TTC27: variants seen among roughly 807,000 people sequenced by gnomAD.
TTC27 encodes the protein tetratricopeptide repeat protein 27.
A neutral mutation model predicts 115.9 loss-of-function variants in TTC27; 79 were observed. The ratio of observed to expected loss-of-function variants is 0.68; its 90% CI spans 0.57 to 0.82. TTC27 has a LOEUF of 0.82. TTC27 is among the 40% of genes least tolerant of loss of function. TTC27 has a pLI of 0.00. For synonymous variants in TTC27, 401 were observed against 356.0 expected (o/e 1.13, Z -1.42); for missense variants, 1,054 against 993.1 (o/e 1.06, Z -0.82).
At chr2:32,735,532 G>C (rs901171952) in intron 11 of TTC27, among the ~76,000 whole-genome samples, 1 of 152,180 alleles carries the variant, frequency 6.6e-6, no homozygotes, top group Non-Finnish European at 1.5e-5. Flanking sequence ...CAGGCAGTTA[G>C]ATAAGGATCA....
Position 32,782,041 on chromosome 2 carries a change from A to G in TTC27, c.1780-585A>G, listed in dbSNP as rs536937283. Among the ~76,000 whole-genome samples, 6 of 152,366 alleles carry G rather than the reference A, an allele frequency of 3.9e-5. No homozygotes were observed. In the East Asian group the frequency reaches 9.6e-4, roughly 24 times the overall value. ...ATATTAGATGAAAAGTGGAACAAAGAGAAATAGATAATTTATATCATTCTT... is the reference window on the plus strand; with the variant it reads ...ATATTAGATGAAAAGTGGAACAAAGGGAAATAGATAATTTATATCATTCTT... On this transcript the variant is annotated intron_variant, in intron 14 of 19. Coordinates refer to ENST00000317907, the MANE Select transcript of TTC27 (RefSeq NM_017735.5).
chr2:32,693,095 C>A (rs2151895971), intron 9 of TTC27, among the ~76,000 whole-genome samples: 1 of 152,240 alleles, frequency 6.6e-6, no homozygotes, highest in Admixed American at 6.5e-5. Context: ...TCCAAATTAA[C>A]CTACATAATT....
chr2:32,812,545 G>A lies in TTC27; in HGVS notation c.2238G>A (p.Gln746=). 1 of 1,614,104 alleles carries A rather than the reference G, an allele frequency of 6.2e-7. No homozygotes were observed. The highest frequency in any genetic ancestry group is 8.5e-7 in the Non-Finnish European group (1 of 1,179,954). ...CAAAGGCATACAAGTGTGACACCCA[G>A]TCCAATTGTTGGGAGAAAGATATTA... is the stretch of plus-strand genomic sequence containing the variant. ...CLSKAYKCDT[Q]SNCWEKDITS... Residue 746 remains glutamine, a synonymous_variant, in exon 18 of 20, where the codon CAG becomes CAA. Coordinates refer to ENST00000317907, the MANE Select transcript of TTC27 (RefSeq NM_017735.5).
rs770157266 is a variant in TTC27, at chr2:32,787,078, G to C, written c.1927G>C (p.Gly643Arg). 4 of 1,614,074 alleles carry C rather than the reference G, an allele frequency of 2.5e-6. No individual in the cohort carries two copies. The South Asian group carries it at 4.4e-5, about 18-fold the overall frequency. Residue 643 changes from glycine to arginine, a missense_variant, in exon 16 of 20, where the codon GGG becomes CGG. Gly to Arg is a moderately radical substitution (Grantham distance 125). Transcript: ENST00000317907. ...ENYILTSTDV[G>R]EFSEAIKAYH... ...CTACATCCTCACCAGCACTGACGTT[G>C]GGGAATTTTCAGAAGCCATTAAAGC...
chr2:32,657,478 C>T (rs918418214), intron 5 of TTC27, among the ~76,000 whole-genome samples: 2 of 151,448 alleles, frequency 1.3e-5, no homozygotes, highest in Admixed American at 6.6e-5. Flanking sequence ...CTCAGCCTCC[C>T]GAGCAGCTAG....
chr2:32,729,698 T>G (rs1007681325), intron 10 of TTC27, among the ~76,000 whole-genome samples: 1 of 151,904 alleles, frequency 6.6e-6, no homozygotes, highest in African/African-American at 2.4e-5. Flanking sequence ...AGGGGCCTCC[T>G]CTCTCTCTGC....
intron 12 of TTC27, among the ~76,000 whole-genome samples, chr2:32,751,221 C>T (rs1668997593): frequency 6.7e-6 from 1 of 150,250 alleles, no homozygotes; most frequent in Admixed American, 6.7e-5. Flanking sequence ...TTCCAGGACC[C>T]ATTTTTGTTC....
At chr2:32,728,102 G>A (rs907181534) in intron 10 of TTC27, among the ~76,000 whole-genome samples, 6 of 146,212 alleles carry the variant, frequency 4.1e-5, no homozygotes, top group African/African-American at 7.6e-5. Context: ...GTGCAGTGGC[G>A]TGATCTCTGC....
chr2:32,648,253 G>A (rs755451147), intron 4 of TTC27, among the ~76,000 whole-genome samples: 1 of 151,856 alleles, frequency 6.6e-6, no homozygotes, highest in Non-Finnish European at 1.5e-5. Context: ...TCAACCTCCC[G>A]AGTAGCTGGG....
chr2:32,710,523 A>G (rs949494621), intron 10 of TTC27, among the ~76,000 whole-genome samples: 40 of 143,558 alleles, frequency 2.8e-4, no homozygotes, highest in African/African-American at 9.2e-4. Flanking sequence ...CTGCCCTCCC[A>G]GGTTCAACCA....
chr2:32,661,361 A>C (rs1284124972), intron 5 of TTC27, among the ~76,000 whole-genome samples: 1 of 152,122 alleles, frequency 6.6e-6, no homozygotes, highest in Non-Finnish European at 1.5e-5. Flanking sequence ...ACTTTGGGCA[A>C]TATGGCCATT....
At chr2:32,655,051 T>C (rs1559189688) in intron 5 of TTC27, among the ~76,000 whole-genome samples, 1 of 151,474 alleles carries the variant, frequency 6.6e-6, no homozygotes, top group Non-Finnish European at 1.5e-5. Flanking sequence ...TGCAATGGCG[T>C]GACCTCGGCT....
chr2:32,648,510 C>T (rs1482019030), intron 4 of TTC27, among the ~76,000 whole-genome samples: 4 of 149,562 alleles, frequency 2.7e-5, no homozygotes, highest in Non-Finnish European at 1.5e-5. Flanking sequence ...CTCCTAGCCT[C>T]GAGTGATCTT....
intron 15 of TTC27, among the ~76,000 whole-genome samples, chr2:32,783,305 G>A (rs1434054591): frequency 6.6e-6 from 1 of 152,132 alleles, no homozygotes; most frequent in East Asian, 1.9e-4. Context: ...GAGAATGTTG[G>A]ACTCAAGCAG....
At chr2:32,749,163 C>T (rs1158779980) in intron 12 of TTC27, among the ~76,000 whole-genome samples, 3 of 152,098 alleles carry the variant, frequency 2.0e-5, no homozygotes, top group Admixed American at 2.0e-4. Context: ...TGTTATTTAC[C>T]ACCTCAGGCA....
At position 32,635,947 on chromosome 2, in the gene TTC27, G is replaced by A. The variant is rs982823298; in HGVS notation, c.396+1942G>A. The stretch of plus-strand genomic sequence containing the variant: ...ATGTTTTGTGTCTTATGTCTATGAA[G>A]GGAATTTATAATTTATATTCTACAG... On this transcript the variant is annotated intron_variant, in intron 3 of 19. Transcript: ENST00000317907. Among the ~76,000 whole-genome samples the A allele has an allele frequency of 3.9e-5, 6 of 152,230 alleles. No individual in the cohort carries two copies. In the South Asian group the frequency reaches 1.2e-3, roughly 32 times the overall value.
intron 16 of TTC27, among the ~76,000 whole-genome samples, chr2:32,807,409 T>C (rs1264802373): frequency 1.3e-5 from 2 of 152,192 alleles, no homozygotes; most frequent in Non-Finnish European, 2.9e-5. Flanking sequence ...ATATTAATAG[T>C]TACTATATTG....
intron 19 of TTC27, among the ~76,000 whole-genome samples, chr2:32,818,424 C>A (rs1352390493): frequency 1.3e-5 from 2 of 152,176 alleles, no homozygotes; most frequent in Non-Finnish European, 2.9e-5. Context: ...GGTTTGACAA[C>A]TGAAATACGC....
At chr2:32,641,297 CTG>C (rs1241378242) in intron 4 of TTC27, among the ~76,000 whole-genome samples, 2 of 152,158 alleles carry the variant, frequency 1.3e-5, no homozygotes, top group African/African-American at 4.8e-5. Context: ...AGTGTGCAGT[CTG>C]TGTTGCGCTA....
Sources: allele counts gnomAD v4.1 joint callset (sites outside exome capture counted in the v4.1 genomes callset), GRCh38; gene constraint gnomAD v4.1.1; transcripts MANE v1.5; gene names NCBI Gene and HGNC (gene_info 2026-07-23, HGNC 2026-07-21).